CACNA2D1: variants seen among roughly 807,000 people sequenced by gnomAD.
CACNA2D1 encodes the protein voltage-dependent calcium channel subunit alpha-2/delta-1.
A neutral mutation model predicts 171.5 loss-of-function variants in CACNA2D1; 53 were observed. The observed-to-expected ratio is 0.31, with a 90% CI of 0.25 to 0.39. The LOEUF is 0.39. Ranked by LOEUF, CACNA2D1 falls within the 10% of genes least tolerant of loss-of-function variation. CACNA2D1 has a pLI of 1.00. For synonymous variants in CACNA2D1, 442 were observed against 443.1 expected (o/e 1.00, Z 0.03); for missense variants, 903 against 1,299.8 (o/e 0.69, Z 4.69).
intron 3 of CACNA2D1, among the ~76,000 whole-genome samples, chr7:82,218,702 G>T (rs1801440999): frequency 6.6e-6 from 1 of 152,100 alleles, no homozygotes; most frequent in South Asian, 2.1e-4. Context: ...AACATAAGTT[G>T]TGTGTTGTGA....
intron 3 of CACNA2D1, among the ~76,000 whole-genome samples, chr7:82,332,137 T>G (rs1563380099): frequency 1.3e-5 from 2 of 152,212 alleles, no homozygotes; most frequent in South Asian, 2.1e-4. Context: ...CTCAGCTCAC[T>G]GCATCCTCTG....
chr7:82,424,489 T>C (rs557317739), intron 1 of CACNA2D1, among the ~76,000 whole-genome samples: 1 of 152,164 alleles, frequency 6.6e-6, no homozygotes, highest in Admixed American at 6.6e-5. Flanking sequence ...AAAAATCAGA[T>C]GTTGTTTAGG....
chr7:81,979,942 T>C (rs1489095608), intron 24 of CACNA2D1, among the ~76,000 whole-genome samples: 2 of 151,734 alleles, frequency 1.3e-5, no homozygotes, highest in Non-Finnish European at 2.9e-5. Flanking sequence ...AGTCATGGTC[T>C]GTTGAGGAAA....
intron 3 of CACNA2D1, among the ~76,000 whole-genome samples, chr7:82,321,561 T>A (rs1449732523): frequency 6.6e-6 from 1 of 152,150 alleles, no homozygotes; most frequent in Non-Finnish European, 1.5e-5. Context: ...ATTCTGAAGA[T>A]GAAATTTGAT....
chr7:82,214,350 A>G (rs181823849), intron 3 of CACNA2D1, among the ~76,000 whole-genome samples: 1 of 152,218 alleles, frequency 6.6e-6, no homozygotes, highest in African/African-American at 2.4e-5. Flanking sequence ...TCAATAGTTA[A>G]GATGCCTATT....
intron 6 of CACNA2D1, among the ~76,000 whole-genome samples, chr7:82,105,449 T>A (rs1787641440): frequency 6.8e-6 from 1 of 148,034 alleles, no homozygotes; most frequent in African/African-American, 2.5e-5. Flanking sequence ...TGAAAATTTA[T>A]GACGGTCACA....
At chr7:81,961,199 C>G (rs933898579) in intron 36 of CACNA2D1, among the ~76,000 whole-genome samples, 1 of 152,004 alleles carries the variant, frequency 6.6e-6, no homozygotes, top group African/African-American at 2.4e-5. Context: ...TGCTGCTCTC[C>G]TCTCAGGAAT....
intron 12 of CACNA2D1, among the ~76,000 whole-genome samples, chr7:82,024,497 A>G (rs1192967864): frequency 6.6e-6 from 1 of 151,642 alleles, no homozygotes; most frequent in East Asian, 1.9e-4. Flanking sequence ...GTTATTAGAG[A>G]TGTTTTGCTC....
intron 3 of CACNA2D1, among the ~76,000 whole-genome samples, chr7:82,227,003 TTA>T (rs1326629643): frequency 6.6e-6 from 1 of 152,220 alleles, no homozygotes; most frequent in African/African-American, 2.4e-5. Context: ...ACCTTGGCAC[TTA>T]TTACTTATCC....
chr7:82,012,273 G>A (rs1277476062), intron 14 of CACNA2D1, 30 bp from the exon 15 acceptor site: 1 of 1,097,960 alleles, frequency 9.1e-7, no homozygotes, highest in Non-Finnish European at 1.4e-6. Flanking sequence ...AAAAAGTCGT[G>A]GTTAAAACTA....
chr7:82,134,986 A>T (rs1791438809), intron 5 of CACNA2D1, among the ~76,000 whole-genome samples: 1 of 152,160 alleles, frequency 6.6e-6, no homozygotes. Context: ...AACAAAAGAA[A>T]ATCACCAATT....
chr7:81,963,927 A>G lies in CACNA2D1; in HGVS notation c.2780+129T>C, dbSNP rs1336163377. ...TATAAATATTACCAATAGGTGATGT[A>G]AAGAATGAAAACAACTTAACTCCCT... is the stretch of plus-strand genomic sequence containing the variant. On this transcript the variant is annotated intron_variant, in intron 34 of 38. Coordinates refer to ENST00000356860, the MANE Select transcript of CACNA2D1 (RefSeq NM_000722.4). 8.1e-6 allele frequency: 6 copies of G among 741,426 alleles called. No homozygotes were observed. The Admixed American group carries it at 1.3e-4, about 16-fold the overall frequency. The allele number at this position is 741,426 out of a possible 1,614,324, so 45.9% of individuals were successfully genotyped here. A position where few individuals can be genotyped will look rare whatever the true frequency, so the allele number is the denominator to read the frequency against.
In CACNA2D1 at chr7:81,947,709, A is replaced by T. The variant is rs1240004550; in HGVS notation, c.*2683T>A. The T allele has an allele frequency of 2.6e-5, 4 of 152,044 alleles. No homozygotes were observed. The East Asian group carries it at 7.7e-4, about 29-fold the overall frequency. 9.4% of individuals were successfully genotyped at this position (152,044 alleles called of 1,614,324 possible). On this transcript the variant is annotated 3_prime_UTR_variant, in exon 39 of 39. Transcript: ENST00000356860. ...TCAGTCGTTGGAAATCAATATTAATAACAGGCTATAATTTAAGTTCTTGTC... is the reference window on the plus strand; with the variant it reads ...TCAGTCGTTGGAAATCAATATTAATTACAGGCTATAATTTAAGTTCTTGTC...
intron 38 of CACNA2D1, among the ~76,000 whole-genome samples, chr7:81,956,726 C>G (rs1017557440): frequency 2.6e-5 from 4 of 152,090 alleles, no homozygotes; most frequent in Admixed American, 2.0e-4. Context: ...GGCCACATCT[C>G]CATCTAGTGG....
intron 5 of CACNA2D1, among the ~76,000 whole-genome samples, chr7:82,128,647 C>T (rs1454925492): frequency 6.6e-6 from 1 of 152,182 alleles, no homozygotes; most frequent in Non-Finnish European, 1.5e-5. Context: ...TCTACACAAA[C>T]ATGATCCTGG....
rs1355563416 is a variant in CACNA2D1, at chr7:82,108,419, C to G, written c.526+8625G>C. Among the ~76,000 whole-genome samples the G allele has an allele frequency of 1.3e-5, 2 of 152,094 alleles. 1 individual carries two copies. The highest frequency in any genetic ancestry group is 2.9e-5 in the Non-Finnish European group (2 of 68,008). ...GCCACCAACCCTTTCAGATTGAGGCCCGCTTTTGTGACCTCATTTAATCCT... is the reference window on the plus strand; with the variant it reads ...GCCACCAACCCTTTCAGATTGAGGCGCGCTTTTGTGACCTCATTTAATCCT... On this transcript the variant is annotated intron_variant, in intron 6 of 38. Coordinates refer to ENST00000356860, the MANE Select transcript of CACNA2D1 (RefSeq NM_000722.4).
At chr7:81,978,814 ATATATATT>A (rs10573302) in intron 24 of CACNA2D1, among the ~76,000 whole-genome samples, 44,489 of 124,014 alleles carry the variant, frequency 0.36, 7,507 homozygotes, top group African/African-American at 0.48. Flanking sequence ...ATATATATAT[ATATATATT>A]TATTTATTTA....
At chr7:82,352,140 T>TACCCCACTGA (rs1227534321) in intron 1 of CACNA2D1, among the ~76,000 whole-genome samples, 2 of 152,196 alleles carry the variant, frequency 1.3e-5, no homozygotes, top group East Asian at 3.9e-4. Flanking sequence ...CAGTCTTCCC[T>TACCCCACTGA]ACCCCACTGA....
chr7:82,194,088 A>T (rs1798611460), intron 3 of CACNA2D1, among the ~76,000 whole-genome samples: 1 of 152,012 alleles, frequency 6.6e-6, no homozygotes, highest in Admixed American at 6.6e-5. Flanking sequence ...TCTAAAGCTA[A>T]ATGACTTTAT....
Sources: allele counts gnomAD v4.1 joint callset (sites outside exome capture counted in the v4.1 genomes callset), GRCh38; gene constraint gnomAD v4.1.1; transcripts MANE v1.5; gene names NCBI Gene and HGNC (gene_info 2026-07-23, HGNC 2026-07-21).